The following PRKAA2 variants were observed in gnomAD, a reference collection of about 807,000 sequenced individuals.
PRKAA2 encodes protein kinase AMP-activated catalytic subunit alpha 2, also known as 5'-AMP-activated protein kinase catalytic subunit alpha-2.
PRKAA2 carries 40 observed loss-of-function variants against 56.3 expected under a neutral mutation model. The ratio of observed to expected loss-of-function variants is 0.71; its 90% CI spans 0.55 to 0.92. PRKAA2 has a LOEUF of 0.92. Among genes scored for constraint, PRKAA2 ranks in the 40% least tolerant of loss-of-function variants. The probability of loss-of-function intolerance (pLI) is 0.00; values close to 1 mark genes in which losing one functional copy is unlikely to be tolerated. For missense variants in PRKAA2, 542 were observed against 686.9 expected (o/e 0.79, Z 2.36); for synonymous variants, 214 against 234.2 (o/e 0.91, Z 0.79).
intron 1 of PRKAA2, among the ~76,000 whole-genome samples, chr1:56,651,426 T>C (rs186239069): frequency 5.5e-4 from 83 of 152,290 alleles, no homozygotes; most frequent in Admixed American, 1.1e-3. Flanking sequence ...AATGAAGAAA[T>C]TGAGAATCAG....
At position 56,655,268 on chromosome 1, in the gene PRKAA2, C is replaced by CATA. The variant is rs1553146925; in HGVS notation, c.94+9787_94+9788insATA. 9.1e-3 allele frequency among the ~76,000 whole-genome samples: 961 copies of CATA among 105,858 alleles called. 16 individuals are homozygous for CATA. The highest frequency in any genetic ancestry group is 0.028 in the Middle Eastern group (4 of 142). 69.4% of individuals were successfully genotyped at this position (105,858 alleles called of 152,430 possible). A position where few individuals can be genotyped will look rare whatever the true frequency, so the allele number is the denominator to read the frequency against. The stretch of plus-strand genomic sequence containing the variant: ...TCTCACAATGTATGTATTTATATAT[C>CATA]TATATATATATATTTTTTTTTTTTT... On this transcript the variant is annotated intron_variant, in intron 1 of 8. Transcript: ENST00000371244.
chr1:56,680,821 G>C (rs1034077719), intron 2 of PRKAA2, among the ~76,000 whole-genome samples: 2 of 152,168 alleles, frequency 1.3e-5, no homozygotes, highest in Non-Finnish European at 2.9e-5. Flanking sequence ...ATAAACATAC[G>C]TGTGCATGTG....
At chr1:56,697,012 A>ATTTTTTTTTTTTTT (rs752842791) in intron 6 of PRKAA2, among the ~76,000 whole-genome samples, 2,352 of 57,772 alleles carry the variant, frequency 0.041, 527 homozygotes, top group East Asian at 0.11. Flanking sequence ...CCAGCAAAGA[A>ATTTTTTTTTTTTTT]TTTTTTTTTT....
Position 56,684,467 on chromosome 1 carries a change from C to T in PRKAA2, c.237-6927C>T, listed in dbSNP as rs188296132. 3.0e-3 allele frequency among the ~76,000 whole-genome samples: 449 copies of T among 152,006 alleles called. 4 individuals are homozygous for T. Among genetic ancestry groups the T allele is most frequent in the Middle Eastern group, 0.02 (6 of 294 alleles). On this transcript the variant is annotated intron_variant, in intron 2 of 8. Transcript: ENST00000371244. ...AAATCACCAAGATAAACAAGAAGTC[C>T]AAGGACTGGGCTCTAGAACACTATG...
chr1:56,709,318 T>C lies in PRKAA2; in HGVS notation c.*1605T>C, dbSNP rs1490086615. 6.6e-6 allele frequency: 1 copy of C among 152,192 alleles called. No homozygotes were observed. The highest frequency in any genetic ancestry group is 1.9e-4 in the East Asian group (1 of 5,200). 9.4% of individuals were successfully genotyped at this position (152,192 alleles called of 1,614,324 possible). A position where few individuals can be genotyped will look rare whatever the true frequency, so the allele number is the denominator to read the frequency against. The stretch of plus-strand genomic sequence containing the variant: ...CTTTGAATCAGGAGTTTGCGTTGTG[T>C]CACATCATATGGCTTTGCAGATCTT... On this transcript the variant is annotated 3_prime_UTR_variant, in exon 9 of 9. Transcript: ENST00000371244.
At chr1:56,672,342 C>T (rs981109703) in intron 1 of PRKAA2, among the ~76,000 whole-genome samples, 2 of 152,116 alleles carry the variant, frequency 1.3e-5, no homozygotes, top group African/African-American at 4.8e-5. Flanking sequence ...GTCTCGAACT[C>T]CTGGGCTCAA....
chr1:56,651,121 G>C lies in PRKAA2; in HGVS notation c.94+5640G>C, dbSNP rs150584223. Among the ~76,000 whole-genome samples, 914 of 152,170 alleles carry C rather than the reference G, an allele frequency of 6.0e-3. 5 individuals carry two copies. Among genetic ancestry groups the C allele is most frequent in the African/African-American group, 0.021 (871 of 41,504 alleles). ...TCCTAAAGGATAACACTGGAGTAGC[G>C]AATCTGTGAGGTCCTTTACAATGCT... On this transcript the variant is annotated intron_variant, in intron 1 of 8. Coordinates refer to ENST00000371244, the MANE Select transcript of PRKAA2 (RefSeq NM_006252.4).
At chr1:56,658,765 AGT>A (rs1255598992) in intron 1 of PRKAA2, among the ~76,000 whole-genome samples, 1 of 149,940 alleles carries the variant, frequency 6.7e-6, no homozygotes, top group Non-Finnish European at 1.5e-5. Flanking sequence ...TTGGAGGCAG[AGT>A]GTTCCTCTGT....
intron 1 of PRKAA2, among the ~76,000 whole-genome samples, chr1:56,652,254 G>T (rs986464752): frequency 1.3e-5 from 2 of 151,808 alleles, no homozygotes; most frequent in South Asian, 2.1e-4. Context: ...CTCGTAATAC[G>T]CCCGCCTCAG....
intron 2 of PRKAA2, among the ~76,000 whole-genome samples, chr1:56,690,377 G>A (rs1013933605): frequency 1.2e-4 from 18 of 152,198 alleles, no homozygotes; most frequent in African/African-American, 4.3e-4. Flanking sequence ...GTTTGGTTTA[G>A]CCAGGATGGT....
intron 2 of PRKAA2, among the ~76,000 whole-genome samples, chr1:56,687,462 A>G (rs1261539755): frequency 2.0e-5 from 3 of 152,142 alleles, no homozygotes; most frequent in Non-Finnish European, 4.4e-5. Flanking sequence ...TGGGGAGGAA[A>G]GGATAAACAG....
At chr1:56,702,229 A>G (rs904463124) in intron 6 of PRKAA2, among the ~76,000 whole-genome samples, 50 of 152,110 alleles carry the variant, frequency 3.3e-4, no homozygotes, top group African/African-American at 1.1e-3. Context: ...GATTATAGGC[A>G]TGTGCCACCA....
intron 1 of PRKAA2, among the ~76,000 whole-genome samples, chr1:56,668,318 G>A: frequency 6.6e-6 from 1 of 150,854 alleles, no homozygotes. Context: ...AATGTTAGAT[G>A]ACGAGTTAGT....
chr1:56,677,393 A>G (rs1569750847), intron 2 of PRKAA2, among the ~76,000 whole-genome samples: 1 of 152,170 alleles, frequency 6.6e-6, no homozygotes, highest in Non-Finnish European at 1.5e-5. Flanking sequence ...ACTTCCTATG[A>G]GAAGAGAAAG....
At position 56,704,429 on chromosome 1, in the gene PRKAA2, T is replaced by C; in HGVS notation, c.1247T>C (p.Met416Thr). 1 of 1,611,420 alleles carries C rather than the reference T, an allele frequency of 6.2e-7. No homozygotes were observed. The highest frequency in any genetic ancestry group is 8.5e-7 in the Non-Finnish European group (1 of 1,179,360). ...IRSQSKPYDIMAEVYRAMKQL... is the reference protein window; with the variant it reads ...IRSQSKPYDITAEVYRAMKQL... ...AGTCAGAGCAAACCGTATGACATTA[T>C]GGCTGAAGTTTACCGAGCTATGAAG... The change falls in exon 7 of 9, where the codon ATG (methionine) becomes ACG (threonine). Residue 416 changes from methionine to threonine, a missense_variant. Transcript: ENST00000371244.
chr1:56,709,116 A>G lies in PRKAA2; in HGVS notation c.*1403A>G, dbSNP rs1258815211. 1 of 152,170 alleles carries G rather than the reference A, an allele frequency of 6.6e-6. No individual in the cohort carries two copies. The highest frequency in any genetic ancestry group is 2.4e-5 in the African/African-American group (1 of 41,466). The allele number at this position is 152,170 out of a possible 1,614,324, so 9.4% of individuals were successfully genotyped here. On this transcript the variant is annotated 3_prime_UTR_variant, in exon 9 of 9. Transcript: ENST00000371244. ...TTGTTATTTTTATGTTGTAATTAAC[A>G]CTTATTTACCTGGATTACCCTAAAA...
intron 1 of PRKAA2, among the ~76,000 whole-genome samples, chr1:56,662,928 A>G (rs944596935): frequency 4.6e-5 from 7 of 152,280 alleles, no homozygotes; most frequent in East Asian, 1.9e-4. Context: ...GAAGCTTTCC[A>G]TGGGAGTTTT....
chr1:56,685,564 G>A (rs993869308), intron 2 of PRKAA2, among the ~76,000 whole-genome samples: 1 of 152,122 alleles, frequency 6.6e-6, no homozygotes, highest in Non-Finnish European at 1.5e-5. Flanking sequence ...CAATGTGTCA[G>A]AAAAAGAGAC....
rs763076542 is a variant in PRKAA2, at chr1:56,711,547, GTTTA to G, written c.*3838_*3841del. The G allele has an allele frequency of 6.6e-6, 1 of 152,022 alleles. No homozygotes were observed. The highest frequency in any genetic ancestry group is 1.5e-5 in the Non-Finnish European group (1 of 67,944). 9.4% of individuals were successfully genotyped at this position (152,022 alleles called of 1,614,324 possible). On this transcript the variant is annotated 3_prime_UTR_variant, in exon 9 of 9. Transcript: ENST00000371244. ...CATGTTCACAATTTTGTCTGTTTTT[GTTTA>G]TTTGTTTTTAAGACCCAAACCTTTT... is the stretch of plus-strand genomic sequence containing the variant.
Sources: allele counts gnomAD v4.1 joint callset (sites outside exome capture counted in the v4.1 genomes callset), GRCh38; gene constraint gnomAD v4.1.1; transcripts MANE v1.5; gene names NCBI Gene and HGNC (gene_info 2026-07-23, HGNC 2026-07-21).